The following CHST11 variants were observed in gnomAD, a reference collection of about 807,000 sequenced individuals.
CHST11 encodes the protein C4S-1.
Under a neutral mutation model 30.4 loss-of-function variants are expected in CHST11, and 9 were observed. That is an observed-to-expected ratio of 0.30 (90% CI 0.18 to 0.52). The LOEUF (loss-of-function observed/expected upper bound fraction) is 0.52. Among genes scored for constraint, CHST11 ranks in the 20% least tolerant of loss-of-function variants. The pLI is 0.97. For synonymous variants in CHST11, 152 were observed against 187.8 expected, an observed-to-expected ratio of 0.81 and a Z score of 1.56; for missense variants, 348 against 460.6, an observed-to-expected ratio of 0.76 and a Z score of 2.24.
At chr12:104,669,421 T>C (rs918172195) in intron 2 of CHST11, among the ~76,000 whole-genome samples, 1 of 54,780 alleles carries the variant, frequency 1.8e-5, no homozygotes, top group Admixed American at 2.0e-4. Flanking sequence ...GTGCAAATGA[T>C]TTTTTTTCCC....
At chr12:104,561,174 CCAGATAGCAAT>C (rs6144848) in intron 1 of CHST11, among the ~76,000 whole-genome samples, 42,601 of 151,884 alleles carry the variant, frequency 0.28, 6,677 homozygotes, top group East Asian at 0.58. Context: ...TCCATGGCAA[CCAGATAGCAAT>C]GGCTTTCAGA....
chr12:104,509,101 G>T (rs1397639044), intron 1 of CHST11, among the ~76,000 whole-genome samples: 1 of 152,200 alleles, frequency 6.6e-6, no homozygotes, highest in Non-Finnish European at 1.5e-5. Flanking sequence ...ATCTTGAATT[G>T]TGGGAAGGAT....
intron 1 of CHST11, among the ~76,000 whole-genome samples, chr12:104,488,427 A>ATGTG (rs1290115101): frequency 7.3e-6 from 1 of 137,524 alleles, no homozygotes; most frequent in African/African-American, 2.8e-5. Context: ...GTGTCTATGT[A>ATGTG]TGTGTATGCA....
At chr12:104,751,906 T>C (rs2463441) in intron 2 of CHST11, among the ~76,000 whole-genome samples, 98,455 of 152,132 alleles carry the variant, frequency 0.65, 32,029 homozygotes, top group Middle Eastern at 0.72. Flanking sequence ...TCCTTATTCT[T>C]CTATATAAAA....
intron 1 of CHST11, among the ~76,000 whole-genome samples, chr12:104,488,996 C>G (rs1211581205): frequency 6.6e-6 from 1 of 152,062 alleles, no homozygotes; most frequent in African/African-American, 2.4e-5. Flanking sequence ...CTGTGCACCT[C>G]CCTGATGTCT....
At chr12:104,620,543 G>GATC (rs1446263950) in intron 2 of CHST11, among the ~76,000 whole-genome samples, 1 of 152,202 alleles carries the variant, frequency 6.6e-6, no homozygotes, top group African/African-American at 2.4e-5. Flanking sequence ...GGTCCTGAGA[G>GATC]ATCAGTACAG....
chr12:104,756,904 T>C, intron 2 of CHST11, 45 bp from the exon 3 acceptor site: 2 of 1,566,476 alleles, frequency 1.3e-6, no homozygotes, highest in Non-Finnish European at 1.7e-6. Context: ...TGGAAATGTT[T>C]CAGGCAAGTA....
At chr12:104,457,898 G>A (rs1226123095) in intron 1 of CHST11, among the ~76,000 whole-genome samples, 2 of 151,886 alleles carry the variant, frequency 1.3e-5, no homozygotes, top group Non-Finnish European at 2.9e-5. Context: ...TGAGGGGCTG[G>A]TTTGAGGAGA....
chr12:104,717,185 A>G (rs1246581779), intron 2 of CHST11, among the ~76,000 whole-genome samples: 11 of 152,336 alleles, frequency 7.2e-5, no homozygotes, highest in Admixed American at 3.9e-4. Context: ...GCCATGTAAC[A>G]TAACGTATTC....
chr12:104,529,060 G>T (rs948110558), intron 1 of CHST11, among the ~76,000 whole-genome samples: 7 of 152,180 alleles, frequency 4.6e-5, no homozygotes, highest in African/African-American at 1.7e-4. Flanking sequence ...TTAGTGCTCA[G>T]GCAGACCCTG....
intron 2 of CHST11, among the ~76,000 whole-genome samples, chr12:104,670,813 ACACC>A (rs1246236945): frequency 6.6e-6 from 1 of 150,710 alleles, no homozygotes; most frequent in Non-Finnish European, 1.5e-5. Context: ...ACATAAACAC[ACACC>A]CACACATACA....
chr12:104,465,289 C>T (rs1486378606), intron 1 of CHST11, among the ~76,000 whole-genome samples: 1 of 152,170 alleles, frequency 6.6e-6, no homozygotes, highest in African/African-American at 2.4e-5. Flanking sequence ...TTGCCTGGCA[C>T]TTATTTTCAG....
chr12:104,488,641 GTGTA>G (rs1200687761), intron 1 of CHST11, among the ~76,000 whole-genome samples: 2 of 137,510 alleles, frequency 1.5e-5, no homozygotes, highest in East Asian at 2.5e-4. Flanking sequence ...GTGTGTGCGT[GTGTA>G]TGTGTGTGTG....
intron 1 of CHST11, among the ~76,000 whole-genome samples, chr12:104,512,196 G>A (rs2037971979): frequency 6.6e-6 from 1 of 152,192 alleles, no homozygotes; most frequent in African/African-American, 2.4e-5. Flanking sequence ...GTTAGTGAGA[G>A]ATTTAAAAAC....
intron 2 of CHST11, among the ~76,000 whole-genome samples, chr12:104,647,947 C>T (rs553878694): frequency 1.3e-5 from 2 of 152,302 alleles, no homozygotes; most frequent in Non-Finnish European, 2.9e-5. Flanking sequence ...TGGTGGCTGC[C>T]TTCCCCAAGT....
At chr12:104,543,715 T>C (rs1382534540) in intron 1 of CHST11, among the ~76,000 whole-genome samples, 1 of 152,164 alleles carries the variant, frequency 6.6e-6, no homozygotes, top group Non-Finnish European at 1.5e-5. Flanking sequence ...TGTATACTTT[T>C]TTTCACCTCT....
At chr12:104,752,033 A>G (rs1035714054) in intron 2 of CHST11, among the ~76,000 whole-genome samples, 3 of 152,248 alleles carry the variant, frequency 2.0e-5, no homozygotes, top group African/African-American at 7.2e-5. Flanking sequence ...ATCATAACAA[A>G]TTACCACAAA....
At chr12:104,581,959 A>AGATGGG (rs2038749180) in intron 1 of CHST11, among the ~76,000 whole-genome samples, 2 of 152,320 alleles carry the variant, frequency 1.3e-5, no homozygotes, top group South Asian at 2.1e-4. Flanking sequence ...TTGGGCTTTG[A>AGATGGG]GATGGGGATG....
chr12:104,479,748 C>A (rs1285927797), intron 1 of CHST11, among the ~76,000 whole-genome samples: 2 of 152,180 alleles, frequency 1.3e-5, no homozygotes, highest in Non-Finnish European at 2.9e-5. Flanking sequence ...GCCGCATGAA[C>A]TTTTGATTCT....
Sources: allele counts gnomAD v4.1 joint callset (sites outside exome capture counted in the v4.1 genomes callset), GRCh38; gene constraint gnomAD v4.1.1; transcripts MANE v1.5; gene names NCBI Gene and HGNC (gene_info 2026-07-23, HGNC 2026-07-21).